The following RBFOX1 variants were observed in gnomAD, a reference collection of about 807,000 sequenced individuals.
The protein encoded by RBFOX1 is RNA binding fox-1 homolog 1, also known as RNA binding protein fox-1 homolog 1.
A neutral mutation model predicts 57.7 loss-of-function variants in RBFOX1; 8 were observed. That is an observed-to-expected ratio of 0.14 (90% CI 0.08 to 0.25). RBFOX1 has a LOEUF of 0.25. Ranked by LOEUF, RBFOX1 falls within the 10% of genes least tolerant of loss-of-function variation. The pLI is 1.00. For synonymous variants in RBFOX1, 326 were observed against 222.4 expected (o/e 1.47, Z -4.15); for missense variants, 611 against 548.5 (o/e 1.11, Z -1.14).
chr16:5,367,587 A>G (rs953060203), intron 1 of RBFOX1, among the ~76,000 whole-genome samples: 1 of 152,154 alleles, frequency 6.6e-6, no homozygotes, highest in Non-Finnish European at 1.5e-5. Flanking sequence ...CTATTACTTC[A>G]TTATCTTACT....
rs1418239093 is a variant in RBFOX1, at chr16:6,142,613, A to G, written c.-127+122621A>G. ...AAGGCAATGGCTCTGCCTTTTGACCAGCACATAGATGAATGCCAGAAACAG... is the reference window on the plus strand; with the variant it reads ...AAGGCAATGGCTCTGCCTTTTGACCGGCACATAGATGAATGCCAGAAACAG... On this transcript the variant is annotated intron_variant, in intron 1 of 15. Transcript: ENST00000550418. Among the ~76,000 whole-genome samples the G allele has an allele frequency of 3.3e-5, 5 of 152,348 alleles. No individual in the cohort carries two copies. The East Asian group carries it at 7.7e-4, about 24-fold the overall frequency.
intron 3 of RBFOX1, among the ~76,000 whole-genome samples, chr16:7,039,951 T>C (rs1051186145): frequency 2.0e-5 from 3 of 152,084 alleles, no homozygotes; most frequent in African/African-American, 7.2e-5. Context: ...TTTGTTTTGT[T>C]TTTCAAGATA....
At chr16:7,630,726 C>A in intron 11 of RBFOX1, 43 bp downstream of exon 11, 1 of 1,611,866 alleles carries the variant, frequency 6.2e-7, no homozygotes, top group African/African-American at 1.3e-5. Flanking sequence ...TGACATAAAT[C>A]TGAGTCCAAT....
intron 2 of RBFOX1, among the ~76,000 whole-genome samples, chr16:6,430,928 C>T (rs1054659398): frequency 2.1e-5 from 3 of 140,976 alleles, no homozygotes; most frequent in Non-Finnish European, 3.0e-5. Context: ...GCCAGGAGTT[C>T]GAGACCGGCA....
chr16:5,436,057 A>G (rs2067908752), intron 1 of RBFOX1, among the ~76,000 whole-genome samples: 1 of 152,228 alleles, frequency 6.6e-6, no homozygotes, highest in Non-Finnish European at 1.5e-5. Context: ...AACTAAAACA[A>G]GCCCGTCTTC....
At chr16:7,405,475 C>G (rs1023727059) in intron 4 of RBFOX1, among the ~76,000 whole-genome samples, 1 of 152,188 alleles carries the variant, frequency 6.6e-6, no homozygotes, top group Admixed American at 6.5e-5. Context: ...CTGGAACACT[C>G]GGGCTGTTCT....
intron 4 of RBFOX1, among the ~76,000 whole-genome samples, chr16:7,270,274 C>A (rs2095285658): frequency 6.6e-6 from 1 of 152,182 alleles, no homozygotes; most frequent in African/African-American, 2.4e-5. Context: ...TGAAGTAATT[C>A]ACACTAACAT....
chr16:6,784,507 A>C (rs1304793235), intron 3 of RBFOX1, among the ~76,000 whole-genome samples: 8 of 152,120 alleles, frequency 5.3e-5, no homozygotes, highest in Non-Finnish European at 8.8e-5. Context: ...ATAGAATTCC[A>C]AATTCCTCTT....
intron 2 of RBFOX1, among the ~76,000 whole-genome samples, chr16:6,637,318 T>TAAATATATTATATAATATACAA (rs1491419214): frequency 4.2e-5 from 1 of 23,542 alleles, no homozygotes; most frequent in African/African-American, 1.7e-4. Flanking sequence ...TATTATATAT[T>TAAATATATTATATAATATACAA]ATATATATTA....
At chr16:7,680,417 T>C (rs1351340821) in intron 14 of RBFOX1, among the ~76,000 whole-genome samples, 1 of 152,154 alleles carries the variant, frequency 6.6e-6, no homozygotes, top group Non-Finnish European at 1.5e-5. Context: ...CTAACACTCT[T>C]AACATTTCCT....
At chr16:7,494,639 T>G (rs1464584265) in intron 4 of RBFOX1, among the ~76,000 whole-genome samples, 5 of 152,136 alleles carry the variant, frequency 3.3e-5, no homozygotes, top group Non-Finnish European at 7.4e-5. Context: ...TTTATCTCTC[T>G]TATGACAGAG....
intron 1 of RBFOX1, among the ~76,000 whole-genome samples, chr16:6,260,494 A>G (rs2097695186): frequency 6.6e-6 from 1 of 152,196 alleles, no homozygotes; most frequent in East Asian, 1.9e-4. Flanking sequence ...AGAATGGTAG[A>G]GAGAAATCAG....
chr16:7,326,695 G>A (rs72769283), intron 4 of RBFOX1, among the ~76,000 whole-genome samples: 1,613 of 152,180 alleles, frequency 0.011, 16 homozygotes, highest in Middle Eastern at 0.034. Context: ...AGGGCTCAAG[G>A]ATGAGTATAT....
At chr16:7,023,801 A>G (rs1283403377) in intron 3 of RBFOX1, among the ~76,000 whole-genome samples, 2 of 151,886 alleles carry the variant, frequency 1.3e-5, no homozygotes, top group Non-Finnish European at 2.9e-5. Context: ...CCTTCTGAAC[A>G]CTCTGGAGTA....
intron 5 of RBFOX1, among the ~76,000 whole-genome samples, chr16:7,525,867 G>T (rs1414824456): frequency 6.6e-6 from 1 of 152,160 alleles, no homozygotes; most frequent in African/African-American, 2.4e-5. Flanking sequence ...TGGTGCAGTT[G>T]AGGTCGTCAC....
chr16:7,352,937 A>C (rs1451514704), intron 4 of RBFOX1, among the ~76,000 whole-genome samples: 1 of 152,102 alleles, frequency 6.6e-6, no homozygotes, highest in Non-Finnish European at 1.5e-5. Flanking sequence ...GCTGGTATCG[A>C]ACTGCTAGGC....
intron 2 of RBFOX1, among the ~76,000 whole-genome samples, chr16:6,454,284 T>C (rs2153051635): frequency 6.6e-6 from 1 of 152,286 alleles, no homozygotes; most frequent in South Asian, 2.1e-4. Context: ...TAATTACAGA[T>C]GGTGGCTCAT....
chr16:6,457,695 G>C (rs1440756559), intron 2 of RBFOX1, among the ~76,000 whole-genome samples: 1 of 152,148 alleles, frequency 6.6e-6, no homozygotes, highest in Non-Finnish European at 1.5e-5. Context: ...ACAGGAGTAG[G>C]TGCTGGTATC....
intron 3 of RBFOX1, among the ~76,000 whole-genome samples, chr16:7,006,399 C>T (rs567477673): frequency 4.3e-4 from 66 of 152,252 alleles, no homozygotes; most frequent in Middle Eastern, 3.4e-3. Flanking sequence ...GTGATCCACC[C>T]GCTTTGGCCT....
Sources: gnomAD v4.1 joint callset for allele counts (sites outside exome capture counted in the v4.1 genomes callset) on GRCh38, gnomAD v4.1.1 for gene constraint, MANE v1.5 for transcripts, NCBI Gene and HGNC (gene_info 2026-07-23, HGNC 2026-07-21) for gene names.